Variants in BRF2 observed in about 807,000 individuals in gnomAD.
The protein encoded by BRF2 is transcription factor IIIB 50 kDa subunit.
In BRF2, 17 loss-of-function variants were observed where a neutral mutation model predicts 26.6. The ratio of observed to expected loss-of-function variants is 0.64; its 90% confidence interval spans 0.44 to 0.96. The LOEUF is 0.96. Ranked by LOEUF, BRF2 falls within the 40% of genes least tolerant of loss-of-function variation. BRF2 has a pLI of 0.00. For synonymous variants in BRF2, 219 were observed against 226.6 expected (o/e 0.97, Z 0.30); for missense variants, 515 against 537.0 (o/e 0.96, Z 0.40).
chr8:37,848,826 A>G (rs1366478863), intron 1 of BRF2, among the ~76,000 whole-genome samples, 171 bp from the exon 2 acceptor site: 1 of 152,244 alleles, frequency 6.6e-6, no homozygotes. Context: ...ATACACAGAG[A>G]CTGGGAAAGG....
Position 37,844,364 on chromosome 8 carries a change from G to A in BRF2, c.*126C>T, listed in dbSNP as rs1468801765. 22 of 1,276,896 alleles carry A rather than the reference G, an allele frequency of 1.7e-5. No homozygotes were observed. In the Admixed American group the frequency reaches 3.7e-4, roughly 22 times the overall value. The allele number at this position is 1,276,896 out of a possible 1,614,324, so 79.1% of individuals were successfully genotyped here. A position where few individuals can be genotyped will look rare whatever the true frequency, so the allele number is the denominator to read the frequency against. Reference sequence around the variant, plus strand: ...GACCCAGGGTCCAACTAATGGCAGAGCCCCTCTTGGTTCCTTCAAACAAGA... The same window carrying A: ...GACCCAGGGTCCAACTAATGGCAGAACCCCTCTTGGTTCCTTCAAACAAGA... On this transcript the variant is annotated 3_prime_UTR_variant, in exon 4 of 4. Coordinates refer to ENST00000220659, the MANE Select transcript of BRF2 (RefSeq NM_018310.4).
At chr8:37,847,843 C>T (rs1203584050) in intron 2 of BRF2, among the ~76,000 whole-genome samples, 3 of 151,602 alleles carry the variant, frequency 2.0e-5, no homozygotes, top group Non-Finnish European at 4.4e-5. Context: ...TTCCTAATTA[C>T]CATTCTCTTC....
chr8:37,847,440 C>A (rs1260907726), intron 2 of BRF2: 2 of 583,088 alleles, frequency 3.4e-6, no homozygotes, highest in Non-Finnish European at 6.5e-6. Flanking sequence ...TTTATCCAGG[C>A]TCTTAGAGGC....
chr8:37,849,809 A>G lies in BRF2; in HGVS notation c.-26T>C. 2 of 1,585,160 alleles carry G rather than the reference A, an allele frequency of 1.3e-6. No individual in the cohort carries two copies. Among genetic ancestry groups the G allele is most frequent in the Non-Finnish European group, 8.6e-7 (1 of 1,168,648 alleles). On this transcript the variant is annotated 5_prime_UTR_variant, in exon 1 of 4. Transcript: ENST00000220659. Reference sequence around the variant, plus strand: ...CTCACAACCGGCCCCAAAGCCGCGGAAGCCTTCAGAGACTCCTGGGTCTGC... The same window carrying G: ...CTCACAACCGGCCCCAAAGCCGCGGGAGCCTTCAGAGACTCCTGGGTCTGC...
chr8:37,844,425 C>T lies in BRF2; in HGVS notation c.*65G>A, dbSNP rs1585414778. The T allele has an allele frequency of 5.1e-6, 8 of 1,570,552 alleles. No homozygotes were observed. In the East Asian group the frequency reaches 1.8e-4, roughly 35 times the overall value. On this transcript the variant is annotated 3_prime_UTR_variant, in exon 4 of 4. Coordinates refer to ENST00000220659, the MANE Select transcript of BRF2 (RefSeq NM_018310.4). ...CTACGGACTGGTGTACACTTCCATC[C>T]TTGGTTATAACAGGAATGTTATCAA... is the stretch of plus-strand genomic sequence containing the variant.
intron 2 of BRF2, 196 bp from the exon 3 acceptor site, chr8:37,847,371 A>C: frequency 1.5e-6 from 1 of 687,832 alleles, no homozygotes; most frequent in Non-Finnish European, 2.6e-6. Flanking sequence ...TGTGTAAAGA[A>C]GTCACATTTC....
intron 3 of BRF2, among the ~76,000 whole-genome samples, chr8:37,845,492 G>A (rs533667827): frequency 6.6e-6 from 1 of 152,110 alleles, no homozygotes; most frequent in Non-Finnish European, 1.5e-5. Context: ...CTACGTGCAC[G>A]TGCACCATCT....
At position 37,848,631 on chromosome 8, in the gene BRF2, C is replaced by T. The variant is rs1563359675; in HGVS notation, c.179G>A (p.Gly60Glu). 1.2e-6 allele frequency: 2 copies of T among 1,614,126 alleles called. No individual in the cohort carries two copies. Among genetic ancestry groups the T allele is most frequent in the Admixed American group, 1.7e-5 (1 of 60,014 alleles). ...GCTGCGACTAACTTGTTCGTTTTCC[C>T]CTGTGCTTCGGGAATATGTTACCTC... ...LREVTYSRST[G>E]ENEQVSRSQQ... The change falls in exon 2 of 4, where the codon GGG becomes GAG. Residue 60 changes from glycine to glutamate, a missense_variant. Coordinates refer to ENST00000220659, the MANE Select transcript of BRF2 (RefSeq NM_018310.4).
Position 37,848,609 on chromosome 8 carries a change from GCGACTAA to G in BRF2, c.194_200del (p.Val65AlafsTer10), listed in dbSNP as rs1450357877. On this transcript the variant is annotated frameshift_variant, in exon 2 of 4. Coordinates refer to ENST00000220659, the MANE Select transcript of BRF2 (RefSeq NM_018310.4). LOFTEE classifies it high-confidence loss of function. ...GTCAATTCTCACCTCGTTGCTGGCTGCGACTAACTTGTTCGTTTTCCCCTGTGCTTCG... is the reference window on the plus strand; with the variant it reads ...GTCAATTCTCACCTCGTTGCTGGCTGCTTGTTCGTTTTCCCCTGTGCTTCG... 2 of 1,614,028 alleles carry G rather than the reference GCGACTAA, an allele frequency of 1.2e-6. No individual in the cohort carries two copies. Among genetic ancestry groups the G allele is most frequent in the African/African-American group, 1.3e-5 (1 of 74,940 alleles).
At chr8:37,847,957 TATTA>T (rs1205782124) in intron 2 of BRF2, among the ~76,000 whole-genome samples, 10 of 149,796 alleles carry the variant, frequency 6.7e-5, no homozygotes, top group African/African-American at 2.5e-4. Flanking sequence ...TTATTATTAT[TATTA>T]TTTTTTGAGA....
rs750909857 is a variant in BRF2, at chr8:37,844,767, C to A, written c.983G>T (p.Gly328Val). ...EVETREKEPP[G>V]WGQGQGEGEV... is the part of the protein sequence containing the mutation. ...CCCTTCTCCTTGCCCCTGTCCCCAC[C>A]CCGGTGGCTCCTTCTCTCGGGTCTC... The change falls in exon 4 of 4, where the codon GGG becomes GTG. Residue 328 changes from glycine (G) to valine (V), a missense_variant. Transcript: ENST00000220659. 1 of 1,614,026 alleles carries A rather than the reference C, an allele frequency of 6.2e-7. No homozygotes were observed. The highest frequency in any genetic ancestry group is 8.5e-7 in the Non-Finnish European group (1 of 1,179,976).
chr8:37,847,148 C>T lies in BRF2; in HGVS notation c.242G>A (p.Arg81Gln). 8 of 1,613,942 alleles carry T rather than the reference C, an allele frequency of 5.0e-6. No individual in the cohort carries two copies. The highest frequency in any genetic ancestry group is 1.3e-5 in the African/African-American group (1 of 75,048). The change falls in exon 3 of 4, where the codon CGA becomes CAA. Residue 81 changes from arginine to glutamine, a missense_variant. Arg to Gln is a conservative substitution (Grantham distance 43). Transcript: ENST00000220659. Reference sequence around the variant, plus strand: ...AAATGTTGGTGGCAACTGCAGAACTCGACAAAGGTCTCTCACTCGCCGGAG... The same window carrying T: ...AAATGTTGGTGGCAACTGCAGAACTTGACAAAGGTCTCTCACTCGCCGGAG... ...RGLRRVRDLC[R>Q]VLQLPPTFED...
Position 37,848,658 on chromosome 8 carries a change from G to A in BRF2, c.155-3C>T. 1 of 1,613,110 alleles carries A rather than the reference G, an allele frequency of 6.2e-7. No homozygotes were observed. The highest frequency in any genetic ancestry group is 8.5e-7 in the Non-Finnish European group (1 of 1,179,036). On this transcript the variant is annotated splice_polypyrimidine_tract_variant and splice_region_variant and intron_variant, in intron 1 of 3. Transcript: ENST00000220659. Reference sequence around the variant, plus strand: ...TGTGCTTCGGGAATATGTTACCTCTGTAAGATAATAAACAACAAATAGTGT... The same window carrying A: ...TGTGCTTCGGGAATATGTTACCTCTATAAGATAATAAACAACAAATAGTGT...
At chr8:37,849,177 G>A (rs1305239511) in intron 1 of BRF2, among the ~76,000 whole-genome samples, 2 of 152,174 alleles carry the variant, frequency 1.3e-5, no homozygotes, top group Non-Finnish European at 2.9e-5. Flanking sequence ...TCTCGGCTCT[G>A]CCTCCCAAAG....
Position 37,849,698 on chromosome 8 carries a change from G to A in BRF2, c.86C>T (p.Ser29Phe), listed in dbSNP as rs1334782293. The A allele has an allele frequency of 6.2e-7, 1 of 1,613,676 alleles. No individual in the cohort carries two copies. Among genetic ancestry groups the A allele is most frequent in the East Asian group, 2.2e-5 (1 of 44,870 alleles). ...SHYSQSQLVC[S>F]DCGCVVTEGV... ...CTCGGTGACCACGCAGCCGCAGTCGGAGCACACCAGCTGGCTCTGCGAATA... is the reference window on the plus strand; with the variant it reads ...CTCGGTGACCACGCAGCCGCAGTCGAAGCACACCAGCTGGCTCTGCGAATA... Residue 29 changes from serine to phenylalanine, a missense_variant, in exon 1 of 4, where the codon TCC becomes TTC. Physicochemically the swap from Ser to Phe is radical, Grantham distance 155. Transcript: ENST00000220659.
rs936575626 is a variant in BRF2, at chr8:37,849,821, A to T, written c.-38T>A. ...CCCAAAGCCGCGGAAGCCTTCAGAG[A>T]CTCCTGGGTCTGCAACAGCAACCGT... On this transcript the variant is annotated 5_prime_UTR_variant, in exon 1 of 4. Transcript: ENST00000220659. The T allele has an allele frequency of 8.3e-6, 13 of 1,567,224 alleles. No homozygotes were observed. Among genetic ancestry groups the T allele is most frequent in the Non-Finnish European group, 1.1e-5 (13 of 1,159,898 alleles).
chr8:37,849,755 C>A lies in BRF2; in HGVS notation c.29G>T (p.Cys10Phe). 6.2e-7 allele frequency: 1 copy of A among 1,612,382 alleles called. No homozygotes were observed. The highest frequency in any genetic ancestry group is 8.5e-7 in the Non-Finnish European group (1 of 1,179,740). MPGRGRCPD[C>F]GSTELVEDSH... The stretch of plus-strand genomic sequence containing the variant: ...GTCTTCCACCAGCTCCGTGGAGCCG[C>A]AGTCCGGGCAGCGGCCTCTGCCTGG... Residue 10 changes from cysteine to phenylalanine, a missense_variant, in exon 1 of 4, where the codon TGC becomes TTC. Cys to Phe is a radical substitution (Grantham distance 205). Coordinates refer to ENST00000220659, the MANE Select transcript of BRF2 (RefSeq NM_018310.4).
chr8:37,845,168 C>T lies in BRF2; in HGVS notation c.582G>A (p.Val194=), dbSNP rs34191549. Residue 194 remains valine (V), a synonymous_variant, in exon 4 of 4, where the codon GTG becomes GTA. Coordinates refer to ENST00000220659, the MANE Select transcript of BRF2 (RefSeq NM_018310.4). ...QASPSVPAKY[V]EDKEKMLSRT... ...GAGACAGCATCTTCTCTTTGTCTTC[C>T]ACGTATTTGGCTGGCACAGAAGGTG... 3,177 of 1,612,902 alleles carry T rather than the reference C, an allele frequency of 2.0e-3. 52 individuals carry two copies. In the East Asian group the frequency reaches 0.027, roughly 14 times the overall value.
chr8:37,844,925 C>T lies in BRF2; in HGVS notation c.825G>A (p.Arg275=), dbSNP rs927027695. Residue 275 remains arginine (R), a synonymous_variant, in exon 4 of 4, where the codon CGG becomes CGA. Coordinates refer to ENST00000220659, the MANE Select transcript of BRF2 (RefSeq NM_018310.4). ...GTAACCAGGCCAGCTGCTCAGCCAT[C>T]CGCAGCAGCACAGCCAGCAGCTCCT... The part of the protein sequence containing the change: ...RLQELLAVLL[R]MAEQLAWLRV... The T allele has an allele frequency of 5.6e-6, 9 of 1,614,086 alleles. No individual in the cohort carries two copies. The highest frequency in any genetic ancestry group is 1.3e-5 in the African/African-American group (1 of 74,952).
Sources: allele counts gnomAD v4.1 joint callset (sites outside exome capture counted in the v4.1 genomes callset), GRCh38; gene constraint gnomAD v4.1.1; transcripts MANE v1.5; gene names NCBI Gene and HGNC (gene_info 2026-07-23, HGNC 2026-07-21).